The following PATL1 variants were observed in gnomAD, a reference collection of about 807,000 sequenced individuals.
PATL1 encodes the protein protein PAT1 homolog 1.
A neutral mutation model predicts 100.6 loss-of-function variants in PATL1; 32 were observed. That is an observed-to-expected ratio of 0.32 (90% CI 0.24 to 0.43). The LOEUF is 0.43. Among genes scored for constraint, PATL1 ranks in the 20% least tolerant of loss-of-function variants. PATL1 has a pLI of 1.00. For missense variants in PATL1, 747 were observed against 949.9 expected (o/e 0.79, Z 2.81); for synonymous variants, 332 against 330.0 (o/e 1.01, Z -0.07).
In PATL1 at chr11:59,649,535, G is replaced by C; in HGVS notation, c.1660C>G (p.Leu554Val). Reference protein sequence around the residue: ...LLSLEEERPALMDDRKHKICS... With the variant: ...LLSLEEERPAVMDDRKHKICS... Reference sequence around the variant, plus strand: ...ATTTTGTGCTTTCTGTCATCCATTAGGGCAGGTCGCTCTTCTTCCAGACTT... The same window carrying C: ...ATTTTGTGCTTTCTGTCATCCATTACGGCAGGTCGCTCTTCTTCCAGACTT... Residue 554 changes from leucine (L) to valine (V), a missense_variant, in exon 14 of 19, where the codon CTA (leucine) becomes GTA (valine). Around this residue, in one of 4 missense-constraint regions of PATL1, gnomAD observed 434 missense variants for 596.1 expected, o/e 0.73. Transcript: ENST00000300146. 1 of 1,613,824 alleles carries C rather than the reference G, an allele frequency of 6.2e-7. No individual in the cohort carries two copies. Among genetic ancestry groups the C allele is most frequent in the Non-Finnish European group, 8.5e-7 (1 of 1,179,844 alleles).
chr11:59,639,136 T>G lies in PATL1; in HGVS notation c.2203A>C (p.Lys735Gln). 1.2e-6 allele frequency: 2 copies of G among 1,614,058 alleles called. No homozygotes were observed. Among genetic ancestry groups the G allele is most frequent in the South Asian group, 2.2e-5 (2 of 91,084 alleles). Reference protein sequence around the residue: ...LLRIPQAALAKPISIPTNLVS... With the variant: ...LLRIPQAALAQPISIPTNLVS... ...AGGTTTGTAGGTATAGAGATTGGCTTGGCCAGGGCTGCTTGGGGAATCCGC... is the reference window on the plus strand; with the variant it reads ...AGGTTTGTAGGTATAGAGATTGGCTGGGCCAGGGCTGCTTGGGGAATCCGC... The change falls in exon 18 of 19, where the codon AAG becomes CAG. Residue 735 changes from lysine to glutamine, a missense_variant. This residue lies in a region of PATL1 where 434 missense variants were observed against 596.1 expected (regional missense o/e 0.73). Transcript: ENST00000300146.
chr11:59,650,579 C>T (rs1039597614), intron 13 of PATL1, among the ~76,000 whole-genome samples, 175 bp downstream of exon 13: 1 of 152,180 alleles, frequency 6.6e-6, no homozygotes, highest in African/African-American at 2.4e-5. Flanking sequence ...ATAGGTGAAA[C>T]ATACCATAAT....
At chr11:59,661,356 G>A (rs1861622075) in intron 2 of PATL1, among the ~76,000 whole-genome samples, 1 of 152,318 alleles carries the variant, frequency 6.6e-6, no homozygotes, top group Non-Finnish European at 1.5e-5. Flanking sequence ...AAAGAGCTGG[G>A]ATCACAGGCT....
chr11:59,659,141 T>G, intron 3 of PATL1, 111 bp downstream of exon 3: 1 of 1,021,546 alleles, frequency 9.8e-7, no homozygotes, highest in Non-Finnish European at 1.4e-6. Flanking sequence ...ATCAATTTTC[T>G]ATGGTATATG....
At chr11:59,649,219 C>G (rs1348278439) in intron 14 of PATL1, among the ~76,000 whole-genome samples, 1 of 152,158 alleles carries the variant, frequency 6.6e-6, no homozygotes, top group African/African-American at 2.4e-5. Context: ...TAGCACTGTC[C>G]CCAGCAGATA....
chr11:59,640,357 A>G (rs1048894325), intron 16 of PATL1, among the ~76,000 whole-genome samples: 7 of 151,658 alleles, frequency 4.6e-5, no homozygotes, highest in Non-Finnish European at 1.0e-4. Context: ...AAAAAAAAAA[A>G]AGTAACATAT....
At chr11:59,643,423 T>C (rs1258469532) in intron 15 of PATL1, among the ~76,000 whole-genome samples, 1 of 151,790 alleles carries the variant, frequency 6.6e-6, no homozygotes, top group Admixed American at 6.6e-5. Flanking sequence ...AAGATATGGG[T>C]TAATTGGCCA....
chr11:59,654,489 T>TAAAAAAAA (rs528454364), intron 8 of PATL1, among the ~76,000 whole-genome samples: 1 of 82,428 alleles, frequency 1.2e-5, no homozygotes, highest in African/African-American at 4.3e-5. Context: ...TCAAAAACAT[T>TAAAAAAAA]AAAAAAAAAA....
At chr11:59,639,249 C>T (rs1293663016) in intron 17 of PATL1, 43 bp downstream of exon 17, 7 of 1,583,988 alleles carry the variant, frequency 4.4e-6, no homozygotes, top group Non-Finnish European at 2.6e-6. Context: ...TAAAAGATTA[C>T]CTCAAAGAAC....
chr11:59,652,321 A>T, intron 11 of PATL1, 143 bp downstream of exon 11: 1 of 1,219,156 alleles, frequency 8.2e-7, no homozygotes. Flanking sequence ...TGATTTTTGC[A>T]TTTATTAAGA....
At chr11:59,652,684 A>G (rs1861463793) in intron 10 of PATL1, 97 bp from the exon 11 acceptor site, 1 of 1,542,608 alleles carries the variant, frequency 6.5e-7, no homozygotes, top group African/African-American at 1.4e-5. Context: ...ACACAAGTTC[A>G]GCTCTAGAAA....
intron 15 of PATL1, among the ~76,000 whole-genome samples, chr11:59,646,391 G>T (rs1384017599): frequency 1.4e-5 from 2 of 142,240 alleles, no homozygotes; most frequent in African/African-American, 5.3e-5. Flanking sequence ...TCACCATGTT[G>T]CCCAGGATGG....
chr11:59,652,764 C>A, intron 10 of PATL1, 74 bp downstream of exon 10: 1 of 1,506,532 alleles, frequency 6.6e-7, no homozygotes, highest in South Asian at 1.3e-5. Flanking sequence ...TTAATTGTAC[C>A]AATATTTAAA....
At chr11:59,649,641 A>T (rs747074737) in intron 13 of PATL1, 31 bp from the exon 14 acceptor site, 2 of 1,602,432 alleles carry the variant, frequency 1.2e-6, no homozygotes, top group South Asian at 2.2e-5. Flanking sequence ...AGGCCACAGC[A>T]TGCTAGGTCA....
intron 9 of PATL1, among the ~76,000 whole-genome samples, 187 bp downstream of exon 9, chr11:59,653,796 A>G (rs184442362): frequency 3.4e-4 from 52 of 152,348 alleles, no homozygotes; most frequent in African/African-American, 1.2e-3. Flanking sequence ...AATGGTACAT[A>G]TAATTCTGTT....
chr11:59,643,086 AC>A, intron 15 of PATL1, 51 bp from the exon 16 acceptor site: 2 of 1,574,476 alleles, frequency 1.3e-6, no homozygotes, highest in Non-Finnish European at 1.7e-6. Context: ...TACTTCAGTT[AC>A]CCCCCACCAG....
At chr11:59,664,727 T>A (rs1202294881) in intron 2 of PATL1, among the ~76,000 whole-genome samples, 1 of 152,112 alleles carries the variant, frequency 6.6e-6, no homozygotes, top group East Asian at 1.9e-4. Context: ...CCATCATGCC[T>A]GGCTATTTTT....
chr11:59,665,810 C>T (rs1217464817), intron 2 of PATL1, among the ~76,000 whole-genome samples: 2 of 151,834 alleles, frequency 1.3e-5, no homozygotes, highest in Non-Finnish European at 2.9e-5. Flanking sequence ...TGTATGTATA[C>T]AGTTTAAAAA....
At chr11:59,668,771 C>T (rs1861731547) in intron 1 of PATL1, 110 bp downstream of exon 1, 8 of 595,924 alleles carry the variant, frequency 1.3e-5, no homozygotes, top group Admixed American at 1.1e-4. Flanking sequence ...CCTGCGACTC[C>T]CCCAGCCCGC....
Sources: allele counts gnomAD v4.1 joint callset (sites outside exome capture counted in the v4.1 genomes callset), GRCh38; gene constraint gnomAD v4.1.1; regional missense constraint gnomAD v4.1.1; transcripts MANE v1.5; gene names NCBI Gene and HGNC (gene_info 2026-07-23, HGNC 2026-07-21).